The following ADCY2 variants were observed in gnomAD, a reference collection of about 807,000 sequenced individuals.
ADCY2 encodes the protein adenylate cyclase type 2.
A neutral mutation model predicts 125.2 loss-of-function variants in ADCY2; 31 were observed. The observed-to-expected ratio is 0.25, with a 90% confidence interval of 0.19 to 0.33. ADCY2 has a LOEUF of 0.33. ADCY2 is among the 10% of genes least tolerant of loss of function. The pLI, the probability that ADCY2 is intolerant of heterozygous loss-of-function variation, is 1.00. For missense variants in ADCY2, 904 were observed against 1,418.2 expected, an observed-to-expected ratio of 0.64 and a Z score of 5.82; for synonymous variants, 512 against 548.4, an observed-to-expected ratio of 0.93 and a Z score of 0.93.
chr5:7,575,048 G>T (rs1438201450), intron 3 of ADCY2, among the ~76,000 whole-genome samples: 5 of 152,164 alleles, frequency 3.3e-5, no homozygotes, highest in Non-Finnish European at 5.9e-5. Context: ...GTCTGTGGCA[G>T]GGTGTGGAGA....
intron 4 of ADCY2, among the ~76,000 whole-genome samples, chr5:7,652,862 C>T (rs539352973): frequency 3.9e-5 from 6 of 152,272 alleles, no homozygotes; most frequent in African/African-American, 1.2e-4. Flanking sequence ...GACACACTGA[C>T]CTGTCACTAT....
intron 21 of ADCY2, among the ~76,000 whole-genome samples, chr5:7,803,877 G>T (rs1306337633): frequency 6.6e-6 from 1 of 151,414 alleles, no homozygotes; most frequent in African/African-American, 2.4e-5. Context: ...TCCAGCTAGG[G>T]TGACAGAGCA....
At chr5:7,640,472 A>G (rs1004607650) in intron 4 of ADCY2, among the ~76,000 whole-genome samples, 1 of 152,232 alleles carries the variant, frequency 6.6e-6, no homozygotes, top group African/African-American at 2.4e-5. Flanking sequence ...ATCAGCTGAC[A>G]GAAATGAACA....
At chr5:7,500,377 T>C (rs982763731) in intron 2 of ADCY2, among the ~76,000 whole-genome samples, 9 of 152,220 alleles carry the variant, frequency 5.9e-5, no homozygotes, top group Non-Finnish European at 2.9e-5. Flanking sequence ...GGTAACTTAC[T>C]ACCAAAGAGT....
chr5:7,409,422 A>G (rs561784361), intron 1 of ADCY2, among the ~76,000 whole-genome samples: 1 of 152,376 alleles, frequency 6.6e-6, no homozygotes, highest in South Asian at 2.1e-4. Flanking sequence ...ATTATGTTTT[A>G]CTTTTCATTC....
At chr5:7,671,848 G>T (rs1561158009) in intron 4 of ADCY2, among the ~76,000 whole-genome samples, 1 of 152,088 alleles carries the variant, frequency 6.6e-6, no homozygotes, top group Non-Finnish European at 1.5e-5. Context: ...AGCTTCTACA[G>T]CAAGAAAGAT....
intron 7 of ADCY2, among the ~76,000 whole-genome samples, chr5:7,705,250 T>C (rs1450888855): frequency 1.3e-5 from 2 of 152,260 alleles, no homozygotes; most frequent in Non-Finnish European, 2.9e-5. Context: ...GAAGTTGTGC[T>C]GTTGCACTGG....
At chr5:7,628,837 A>G (rs933726803) in intron 4 of ADCY2, among the ~76,000 whole-genome samples, 1 of 151,784 alleles carries the variant, frequency 6.6e-6, no homozygotes, top group African/African-American at 2.4e-5. Flanking sequence ...AAAAAAAAAA[A>G]CCATCAGTAA....
intron 4 of ADCY2, among the ~76,000 whole-genome samples, chr5:7,681,905 A>G (rs1370616105): frequency 6.6e-6 from 1 of 152,146 alleles, no homozygotes; most frequent in Non-Finnish European, 1.5e-5. Flanking sequence ...TTATTCTTGC[A>G]CCTATTTATG....
rs183156011 is a variant in ADCY2 at position 7,766,135 on chromosome 5, A to C, written c.2095-552A>C. The stretch of plus-strand genomic sequence containing the variant: ...AGTCCAGAGAACATCCATCCTTTTA[A>C]ATTTTTCACCCCTTATGATTCTGAG... On this transcript the variant is annotated intron_variant, in intron 16 of 24. Transcript: ENST00000338316. Among the ~76,000 whole-genome samples, 43 of 152,250 alleles carry C rather than the reference A, an allele frequency of 2.8e-4. 1 individual carries two copies. The East Asian group carries it at 8.1e-3, about 29-fold the overall frequency.
chr5:7,533,214 T>C (rs1245390258), intron 3 of ADCY2, among the ~76,000 whole-genome samples: 4 of 151,762 alleles, frequency 2.6e-5, no homozygotes, highest in Non-Finnish European at 4.4e-5. Context: ...ACGTTGTTTT[T>C]GTCAAAGATA....
chr5:7,653,690 A>T (rs750437479), intron 4 of ADCY2, among the ~76,000 whole-genome samples: 10 of 152,192 alleles, frequency 6.6e-5, no homozygotes, highest in Non-Finnish European at 1.5e-4. Context: ...CAAATATTTT[A>T]TCTTGATGTT....
chr5:7,826,559 T>G (rs1745484998), intron 24 of ADCY2, 160 bp from the exon 25 acceptor site: 1 of 938,146 alleles, frequency 1.1e-6, no homozygotes, highest in Non-Finnish European at 1.7e-6. Flanking sequence ...TTTACAACCT[T>G]TTTTTCTTGT....
At chr5:7,580,758 A>G (rs62342981) in intron 3 of ADCY2, among the ~76,000 whole-genome samples, 8,898 of 152,310 alleles carry the variant, frequency 0.058, 314 homozygotes, top group Middle Eastern at 0.11. Flanking sequence ...AACTAAATAC[A>G]AAGAACACCT....
At position 7,435,325 on chromosome 5, in the gene ADCY2, TG is replaced by T; in HGVS notation, c.408+20558del. On this transcript the variant is annotated intron_variant, in intron 2 of 24. Coordinates refer to ENST00000338316, the MANE Select transcript of ADCY2 (RefSeq NM_020546.3). ...TGTGCTTAGCCATTTGTGGAAAACCTGGGCTTAGTTTTGGCTACGGCTTTTC... is the reference window on the plus strand; with the variant it reads ...TGTGCTTAGCCATTTGTGGAAAACCTGGCTTAGTTTTGGCTACGGCTTTTC... Among the ~76,000 whole-genome samples the T allele has an allele frequency of 2.0e-5, 3 of 152,328 alleles. No homozygotes were observed. The East Asian group carries it at 5.8e-4, about 29-fold the overall frequency.
intron 14 of ADCY2, among the ~76,000 whole-genome samples, chr5:7,737,518 A>T (rs761303965): frequency 8.5e-5 from 13 of 152,226 alleles, no homozygotes; most frequent in Non-Finnish European, 1.9e-4. Flanking sequence ...ATTGCCTTCC[A>T]GTCTCCCACC....
intron 4 of ADCY2, among the ~76,000 whole-genome samples, chr5:7,656,927 C>T (rs571571929): frequency 6.6e-6 from 1 of 152,196 alleles, no homozygotes; most frequent in African/African-American, 2.4e-5. Flanking sequence ...GAATCGGAAA[C>T]TTTCTAAGTG....
At chr5:7,480,009 A>G (rs1342743995) in intron 2 of ADCY2, among the ~76,000 whole-genome samples, 1 of 152,250 alleles carries the variant, frequency 6.6e-6, no homozygotes, top group African/African-American at 2.4e-5. Flanking sequence ...ATCATATGAA[A>G]AAAAGCTCAA....
intron 2 of ADCY2, among the ~76,000 whole-genome samples, chr5:7,461,977 C>T (rs1326138819): frequency 6.6e-6 from 1 of 152,294 alleles, no homozygotes; most frequent in African/African-American, 2.4e-5. Context: ...AGAAGGAATG[C>T]CATGGAGGGC....
Sources: gnomAD v4.1 joint callset for allele counts (sites outside exome capture counted in the v4.1 genomes callset) on GRCh38, gnomAD v4.1.1 for gene constraint, MANE v1.5 for transcripts, NCBI Gene and HGNC (gene_info 2026-07-23, HGNC 2026-07-21) for gene names.